Variants in CNTNAP2 observed in about 807,000 individuals in gnomAD.
CNTNAP2 encodes the protein contactin associated protein 2.
In CNTNAP2, 98 loss-of-function variants were observed where a neutral mutation model predicts 155.2. The observed-to-expected ratio is 0.63, with a 90% CI of 0.54 to 0.75. The LOEUF is 0.75. Ranked by LOEUF, CNTNAP2 falls within the 30% of genes least tolerant of loss-of-function variation. The pLI, the probability that CNTNAP2 is intolerant of heterozygous loss-of-function variation, is 0.00. For synonymous variants in CNTNAP2, 651 were observed against 631.2 expected (o/e 1.03, Z -0.47); for missense variants, 1,727 against 1,688.1 (o/e 1.02, Z -0.40).
chr7:146,533,775 T>G (rs150016196), intron 1 of CNTNAP2, among the ~76,000 whole-genome samples: 1 of 152,240 alleles, frequency 6.6e-6, no homozygotes, highest in East Asian at 1.9e-4. Flanking sequence ...GACCATCTTC[T>G]TGGCTTTATG....
At chr7:148,355,556 A>G (rs923543873) in intron 21 of CNTNAP2, among the ~76,000 whole-genome samples, 2 of 152,172 alleles carry the variant, frequency 1.3e-5, no homozygotes, top group Admixed American at 6.5e-5. Context: ...TCTGTTTACC[A>G]GTCTGCTCCC....
intron 1 of CNTNAP2, among the ~76,000 whole-genome samples, chr7:146,350,159 T>C (rs1309382247): frequency 6.6e-6 from 1 of 152,224 alleles, no homozygotes; most frequent in Non-Finnish European, 1.5e-5. Flanking sequence ...TTGGAGGCTT[T>C]GTTCATTTCT....
intron 1 of CNTNAP2, among the ~76,000 whole-genome samples, chr7:146,119,530 T>C (rs1379539708): frequency 6.6e-6 from 1 of 152,138 alleles, no homozygotes; most frequent in Non-Finnish European, 1.5e-5. Context: ...AAATCGTGTA[T>C]CTTCCCTTCC....
intron 1 of CNTNAP2, among the ~76,000 whole-genome samples, chr7:146,185,937 A>G (rs1405897018): frequency 6.6e-6 from 1 of 152,092 alleles, no homozygotes; most frequent in Non-Finnish European, 1.5e-5. Flanking sequence ...TAATTATCTT[A>G]TTCAGTAATC....
intron 4 of CNTNAP2, among the ~76,000 whole-genome samples, chr7:147,087,540 G>C (rs1258174182): frequency 1.3e-5 from 2 of 152,142 alleles, no homozygotes; most frequent in Non-Finnish European, 2.9e-5. Context: ...CTTGTCTAAT[G>C]ACATTTTCTA....
At chr7:148,186,691 G>A (rs1795121219) in intron 18 of CNTNAP2, among the ~76,000 whole-genome samples, 1 of 152,150 alleles carries the variant, frequency 6.6e-6, no homozygotes, top group Admixed American at 6.5e-5. Context: ...AAACACCTAT[G>A]CACCTTCAAA....
At chr7:148,064,677 T>TAAAAAAAAAAAAAA (rs35247645) in intron 15 of CNTNAP2, among the ~76,000 whole-genome samples, 1 of 126,138 alleles carries the variant, frequency 7.9e-6, no homozygotes, top group Non-Finnish European at 1.7e-5. Context: ...TAATAGCTGT[T>TAAAAAAAAAAAAAA]AAAAAAAAAA....
At chr7:146,478,959 C>T (rs1416951739) in intron 1 of CNTNAP2, among the ~76,000 whole-genome samples, 1 of 152,108 alleles carries the variant, frequency 6.6e-6, no homozygotes, top group Non-Finnish European at 1.5e-5. Context: ...TGAACTCCTT[C>T]CTTTTCTGTT....
intron 15 of CNTNAP2, among the ~76,000 whole-genome samples, chr7:147,996,354 G>A (rs1801805155): frequency 6.6e-6 from 1 of 152,096 alleles, no homozygotes; most frequent in African/African-American, 2.4e-5. Flanking sequence ...ATTTTGATTT[G>A]GATTCTCCAG....
At chr7:146,835,748 T>A (rs1177203658) in intron 2 of CNTNAP2, among the ~76,000 whole-genome samples, 4 of 151,936 alleles carry the variant, frequency 2.6e-5, no homozygotes, top group Admixed American at 6.6e-5. Context: ...ATCTAGGAAG[T>A]TAATTAGGAG....
chr7:148,316,201 TG>T (rs554282939), intron 21 of CNTNAP2, among the ~76,000 whole-genome samples: 4 of 152,064 alleles, frequency 2.6e-5, no homozygotes, highest in South Asian at 4.2e-4. Context: ...GCTGGCTTCA[TG>T]GGGGGAGGAA....
chr7:148,301,304 A>ATATATATATATATAT (rs533956682), intron 21 of CNTNAP2, among the ~76,000 whole-genome samples: 4 of 30,260 alleles, frequency 1.3e-4, no homozygotes, highest in African/African-American at 2.7e-4. Flanking sequence ...AAAAAAAAAA[A>ATATATATATATATAT]AAATATATAT....
At chr7:147,711,742 A>G (rs570100169) in intron 13 of CNTNAP2, among the ~76,000 whole-genome samples, 2 of 152,296 alleles carry the variant, frequency 1.3e-5, no homozygotes, top group South Asian at 2.1e-4. Flanking sequence ...CAGGATGTCT[A>G]TTATTAAGAC....
rs1474883930 is a variant in CNTNAP2 at position 148,061,920 on chromosome 7, T to TAAAC, written c.2384-56197_2384-56196insAACA. Among the ~76,000 whole-genome samples the TAAAC allele has an allele frequency of 2.4e-5, 3 of 125,408 alleles. No individual in the cohort carries two copies. In the Admixed American group the frequency reaches 2.5e-4, roughly 10 times the overall value. 82.3% of individuals were successfully genotyped at this position (125,408 alleles called of 152,430 possible). On this transcript the variant is annotated intron_variant, in intron 15 of 23. Transcript: ENST00000361727. ...ATAGATAGATAGATAGATAAACAGA[T>TAAAC]ATAGATAGATAGATAGATAGATAGA...
intron 9 of CNTNAP2, among the ~76,000 whole-genome samples, chr7:147,389,395 C>T (rs1796672614): frequency 6.6e-6 from 1 of 152,112 alleles, no homozygotes; most frequent in Non-Finnish European, 1.5e-5. Context: ...ATTTTTCAAC[C>T]TTGTTGTCCA....
chr7:147,159,653 G>A (rs1801989444), intron 8 of CNTNAP2, among the ~76,000 whole-genome samples: 1 of 152,062 alleles, frequency 6.6e-6, no homozygotes, highest in Non-Finnish European at 1.5e-5. Flanking sequence ...CAGAATCACT[G>A]CATGGTCTAC....
chr7:147,068,680 T>A (rs1215830532), intron 4 of CNTNAP2, among the ~76,000 whole-genome samples: 1 of 152,150 alleles, frequency 6.6e-6, no homozygotes, highest in African/African-American at 2.4e-5. Flanking sequence ...TAAATTTACT[T>A]TAAGTAAAGG....
At chr7:146,934,321 C>G (rs1417443772) in intron 3 of CNTNAP2, among the ~76,000 whole-genome samples, 1 of 151,788 alleles carries the variant, frequency 6.6e-6, no homozygotes, top group African/African-American at 2.4e-5. Flanking sequence ...AATCATCATT[C>G]TCAGTAAACT....
chr7:146,771,962 TTATAA>T (rs1314344461), intron 1 of CNTNAP2, among the ~76,000 whole-genome samples: 5 of 152,166 alleles, frequency 3.3e-5, no homozygotes, highest in African/African-American at 4.8e-5. Context: ...TTGTGGCATG[TTATAA>T]TATGAGATCT....
Sources: gnomAD v4.1 joint callset for allele counts (sites outside exome capture counted in the v4.1 genomes callset) on GRCh38, gnomAD v4.1.1 for gene constraint, MANE v1.5 for transcripts, NCBI Gene and HGNC (gene_info 2026-07-23, HGNC 2026-07-21) for gene names.